DMBT1: variants seen among roughly 807,000 people sequenced by gnomAD.
DMBT1 encodes deleted in malignant brain tumors 1.
In DMBT1, 198 loss-of-function variants were observed where a neutral mutation model predicts 252.9. The observed-to-expected ratio is 0.78, with a 90% CI of 0.70 to 0.88. The LOEUF (loss-of-function observed/expected upper bound fraction) is 0.88, where lower values mean the gene tolerates loss of function less well. Ranked by LOEUF, DMBT1 falls within the 40% of genes least tolerant of loss-of-function variation. The pLI, the probability that DMBT1 is intolerant of heterozygous loss-of-function variation, is 0.00. For missense variants in DMBT1, 2,432 were observed against 2,404.7 expected (o/e 1.01, Z -0.24); for synonymous variants, 990 against 942.7 (o/e 1.05, Z -0.92).
chr10:122,599,186 AG>A, intron 26 of DMBT1, 89 bp downstream of exon 26: 1 of 1,595,232 alleles, frequency 6.3e-7, no homozygotes, highest in African/African-American at 1.3e-5. Flanking sequence ...CCTCACTCAA[AG>A]CTTCTTCTAT....
chr10:122,619,583 C>A (rs974912373), intron 42 of DMBT1, among the ~76,000 whole-genome samples: 10 of 152,194 alleles, frequency 6.6e-5, no homozygotes, highest in African/African-American at 2.2e-4. Context: ...AATGGACAAG[C>A]CTTACAGGTT....
intron 52 of DMBT1, 25 bp from the exon 53 acceptor site, chr10:122,635,966 C>T: frequency 6.2e-7 from 1 of 1,612,864 alleles, no homozygotes; most frequent in South Asian, 1.1e-5. Context: ...GAAATGAAGC[C>T]AAATGGTGTG....
intron 48 of DMBT1, 29 bp from the exon 49 acceptor site, chr10:122,630,932 C>A: frequency 1.3e-6 from 2 of 1,568,608 alleles, no homozygotes; most frequent in South Asian, 1.2e-5. Flanking sequence ...GGGACATGGC[C>A]ATGATCTCTC....
At position 122,643,659 on chromosome 10, in the gene DMBT1, G is replaced by A; in HGVS notation, c.*261G>A. ...GTCCCAGAATCCATGCTTCTCATCT[G>A]CAAAATGAAAATGTCAATACTTACT... On this transcript the variant is annotated 3_prime_UTR_variant, in exon 56 of 56. Transcript: ENST00000338354. 1 of 525,320 alleles carries A rather than the reference G, an allele frequency of 1.9e-6. No homozygotes were observed. The highest frequency in any genetic ancestry group is 3.4e-6 in the Non-Finnish European group (1 of 294,070). 32.5% of individuals were successfully genotyped at this position (525,320 alleles called of 1,614,324 possible).
rs2098016518 is a variant in DMBT1, at chr10:122,618,104, G to A, written c.4979G>A (p.Gly1660Asp). ...RVEVLYQGSW[G>D]TVCDDYWDTN... ...GAGGTCCTATACCAAGGCTCCTGGGGCACCGTGTGTGATGACTACTGGGAC... is the reference window on the plus strand; with the variant it reads ...GAGGTCCTATACCAAGGCTCCTGGGACACCGTGTGTGATGACTACTGGGAC... The change falls in exon 41 of 56, where the codon GGC (glycine) becomes GAC (aspartate). Residue 1660 changes from glycine to aspartate, a missense_variant. By Grantham distance (94) the Gly-to-Asp change is moderately conservative (BLOSUM62 -1). This residue lies in a region of DMBT1 where 1,162 missense variants were observed against 1,169.0 expected (regional missense o/e 0.99). Transcript: ENST00000338354. 18 of 1,613,890 alleles carry A rather than the reference G, an allele frequency of 1.1e-5. No homozygotes were observed. Among genetic ancestry groups the A allele is most frequent in the Non-Finnish European group, 1.5e-5 (18 of 1,179,852 alleles).
chr10:122,635,274 GTATT>G (rs2098217380), intron 52 of DMBT1, among the ~76,000 whole-genome samples: 2 of 152,272 alleles, frequency 1.3e-5, no homozygotes, highest in South Asian at 4.1e-4. Context: ...GACTTGCCCA[GTATT>G]TATTTATTCA....
In DMBT1 at chr10:122,643,339, G is replaced by A. The variant is rs767302521; in HGVS notation, c.7570G>A (p.Val2524Ile). The change falls in exon 56 of 56, where the codon GTC becomes ATC. Residue 2524 changes from valine to isoleucine, a missense_variant. Physicochemically the swap from Val to Ile is conservative, Grantham distance 29. This residue lies in a region of DMBT1 where 1,162 missense variants were observed against 1,169.0 expected (regional missense o/e 0.99). Transcript: ENST00000338354. Reference protein sequence around the residue: ...DVGSYQEKVDVVLGPIQLQTP... With the variant: ...DVGSYQEKVDIVLGPIQLQTP... ...GGGCTCCTACCAGGAAAAGGTGGAC[G>A]TCGTCCTGGGTCCCATCCAGCTGCA... 2.0e-5 allele frequency: 33 copies of A among 1,613,842 alleles called. No individual in the cohort carries two copies. Among genetic ancestry groups the A allele is most frequent in the Non-Finnish European group, 2.7e-5 (32 of 1,179,898 alleles).
At chr10:122,598,748 T>C (rs774686465) in intron 25 of DMBT1, 26 bp from the exon 26 acceptor site, 1 of 1,612,546 alleles carries the variant, frequency 6.2e-7, no homozygotes, top group Non-Finnish European at 8.5e-7. Flanking sequence ...TAGGGATGGA[T>C]GAAGGATTCT....
chr10:122,561,646 TTCTG>T (rs36178052), intron 1 of DMBT1, among the ~76,000 whole-genome samples: 100,950 of 149,084 alleles, frequency 0.68, 34,558 homozygotes, highest in South Asian at 0.78. Flanking sequence ...CTCCCTCTGT[TTCTG>T]TCTGTCTGTC....
intron 40 of DMBT1, 120 bp from the exon 41 acceptor site, chr10:122,617,897 C>A: frequency 6.6e-7 from 1 of 1,507,194 alleles, no homozygotes; most frequent in Non-Finnish European, 9.0e-7. Flanking sequence ...CAGTTGTATG[C>A]AATTGTGACT....
chr10:122,592,921 A>G (rs1322495938), intron 20 of DMBT1, among the ~76,000 whole-genome samples: 1 of 148,666 alleles, frequency 6.7e-6, no homozygotes, highest in Non-Finnish European at 1.5e-5. Flanking sequence ...TGAGGGTATC[A>G]TGGACATAGG....
intron 52 of DMBT1, among the ~76,000 whole-genome samples, chr10:122,634,348 C>CTTTCTTTCTTTCTTTCTTTCTT (rs1314792858): frequency 2.5e-5 from 2 of 80,428 alleles, no homozygotes; most frequent in African/African-American, 5.4e-5. Context: ...ACTTTTCTTT[C>CTTTCTTTCTTTCTTTCTTTCTT]TTTCTTTCTT....
Position 122,579,657 on chromosome 10 carries a change from C to G in DMBT1, c.759C>G (p.Gly253=), listed in dbSNP as rs1370531112. 1.2e-6 allele frequency: 2 copies of G among 1,613,804 alleles called. No individual in the cohort carries two copies. Among genetic ancestry groups the G allele is most frequent in the Non-Finnish European group, 8.5e-7 (1 of 1,179,796 alleles). The part of the protein sequence containing the change: ...CRGRVEVLYR[G]SWGTVCDDYW... ...GCCGAGTGGAGGTCCTATACCGAGG[C>G]TCCTGGGGCACCGTGTGTGATGACT... The change falls in exon 10 of 56, where the codon GGC becomes GGG. Residue 253 remains glycine (G), a synonymous_variant. Transcript: ENST00000338354.
intron 45 of DMBT1, among the ~76,000 whole-genome samples, chr10:122,625,512 A>G (rs1427927349): frequency 6.6e-6 from 1 of 152,158 alleles, no homozygotes; most frequent in Non-Finnish European, 1.5e-5. Context: ...GCCTCCTGCT[A>G]TTGCCTGCTG....
chr10:122,625,224 G>A lies in DMBT1; in HGVS notation c.5609-53G>A, dbSNP rs1591513928. 13 of 1,578,184 alleles carry A rather than the reference G, an allele frequency of 8.2e-6. No individual in the cohort carries two copies. In the East Asian group the frequency reaches 1.3e-4, roughly 16 times the overall value. Reference sequence around the variant, plus strand: ...GGGACAGGCACTCAGCATTTCTCTCGCTCATCATCCTGGGCACTGGGACTG... The same window carrying A: ...GGGACAGGCACTCAGCATTTCTCTCACTCATCATCCTGGGCACTGGGACTG... On this transcript the variant is annotated intron_variant, in intron 44 of 55. Coordinates refer to ENST00000338354, the MANE Select transcript of DMBT1 (RefSeq NM_001377530.1).
intron 46 of DMBT1, among the ~76,000 whole-genome samples, chr10:122,627,677 C>T (rs1212090901): frequency 6.6e-6 from 1 of 152,154 alleles, no homozygotes; most frequent in African/African-American, 2.4e-5. Context: ...ATCCTTGTCT[C>T]TGAAAGTTTG....
At chr10:122,641,881 C>T (rs994845714) in intron 55 of DMBT1, among the ~76,000 whole-genome samples, 2 of 152,168 alleles carry the variant, frequency 1.3e-5, no homozygotes, top group Non-Finnish European at 2.9e-5. Flanking sequence ...TTAGAATGAC[C>T]TGGGGCTCCA....
At chr10:122,561,569 C>CCTCTCTCTCTCTCTCT (rs111541582) in intron 1 of DMBT1, among the ~76,000 whole-genome samples, 1 of 90,268 alleles carries the variant, frequency 1.1e-5, no homozygotes, top group Non-Finnish European at 2.3e-5. Flanking sequence ...TGTCTCTCTG[C>CCTCTCTCTCTCTCTCT]CTCTCTCTCT....
In DMBT1 at chr10:122,636,171, C is replaced by T; in HGVS notation, c.6729C>T (p.Tyr2243=). ...CAAGGAGAGGGTTCCGGGCTGAGTA[C>T]TACTCCAGTCCCTCCAATGACAGCA... ...SITRRGFRAE[Y]YSSPSNDSTN... is the part of the protein sequence containing the mutation. The change falls in exon 53 of 56, where the codon TAC becomes TAT. Residue 2243 remains tyrosine (Y), a synonymous_variant. Transcript: ENST00000338354. 6.2e-7 allele frequency: 1 copy of T among 1,613,872 alleles called. No homozygotes were observed. Among genetic ancestry groups the T allele is most frequent in the Non-Finnish European group, 8.5e-7 (1 of 1,179,814 alleles).
Sources: gnomAD v4.1 joint callset for allele counts (sites outside exome capture counted in the v4.1 genomes callset) on GRCh38, gnomAD v4.1.1 for gene constraint, gnomAD v4.1.1 regional missense constraint, MANE v1.5 for transcripts, NCBI Gene and HGNC (gene_info 2026-07-23, HGNC 2026-07-21) for gene names.